The following SLC39A12 variants were observed in gnomAD, a reference collection of about 807,000 sequenced individuals.
The protein encoded by SLC39A12 is zinc transporter ZIP12.
Under a neutral mutation model 71.1 loss-of-function variants are expected in SLC39A12, and 63 were observed. The ratio of observed to expected loss-of-function variants is 0.89; its 90% confidence interval spans 0.72 to 1.09. The LOEUF (loss-of-function observed/expected upper bound fraction) is 1.09. Ranked by LOEUF, SLC39A12 falls within the 50% of genes least tolerant of loss-of-function variation. The pLI is 0.00. For missense variants in SLC39A12, 892 were observed against 812.6 expected (o/e 1.10, Z -1.19); for synonymous variants, 351 against 301.3 (o/e 1.16, Z -1.71).
intron 12 of SLC39A12, among the ~76,000 whole-genome samples, chr10:18,030,091 G>C (rs1375400608): frequency 6.6e-6 from 1 of 150,722 alleles, no homozygotes; most frequent in Non-Finnish European, 1.5e-5. Context: ...CAGAAAAGCA[G>C]GTTTAGCTGG....
chr10:17,952,774 A>G (rs1227176440), intron 1 of SLC39A12, among the ~76,000 whole-genome samples: 1 of 152,118 alleles, frequency 6.6e-6, no homozygotes, highest in African/African-American at 2.4e-5. Context: ...GGTGTGAGCT[A>G]CCGCGCCTGG....
intron 12 of SLC39A12, among the ~76,000 whole-genome samples, chr10:18,011,258 T>A (rs1217366878): frequency 6.6e-6 from 1 of 152,064 alleles, no homozygotes; most frequent in Non-Finnish European, 1.5e-5. Flanking sequence ...CCCGCTTATT[T>A]TTATGCTTTT....
chr10:17,997,283 C>T (rs1482946937), intron 10 of SLC39A12, among the ~76,000 whole-genome samples: 1 of 152,152 alleles, frequency 6.6e-6, no homozygotes, highest in Non-Finnish European at 1.5e-5. Flanking sequence ...GATAGAAATA[C>T]TACTAAGACC....
At position 17,987,635 on chromosome 10, in the gene SLC39A12, T is replaced by C; in HGVS notation, c.1253T>C (p.Leu418Pro). ...AVGTLSGDAL[L>P]HLIPQVLGLH... ...GGGACACTGTCTGGGGACGCTCTGC[T>C]CCACCTTATCCCTCAGGTAATCTGG... The change falls in exon 7 of 13, where the codon CTC becomes CCC. Residue 418 changes from leucine (L) to proline (P), a missense_variant. Leu to Pro is a moderately conservative substitution (Grantham distance 98, BLOSUM62 -3). Transcript: ENST00000377369. 1.2e-6 allele frequency: 2 copies of C among 1,614,200 alleles called. No homozygotes were observed. Among genetic ancestry groups the C allele is most frequent in the Non-Finnish European group, 1.7e-6 (2 of 1,180,032 alleles).
intron 12 of SLC39A12, among the ~76,000 whole-genome samples, chr10:18,014,214 G>A (rs1349291283): frequency 1.3e-5 from 2 of 151,978 alleles, no homozygotes; most frequent in African/African-American, 2.4e-5. Flanking sequence ...TCTTTTTGAT[G>A]ATATTGTAAA....
Position 17,999,750 on chromosome 10 carries a change from T to G in SLC39A12, c.1601-917T>G, listed in dbSNP as rs187877267. On this transcript the variant is annotated intron_variant, in intron 10 of 12. Coordinates refer to ENST00000377369, the MANE Select transcript of SLC39A12 (RefSeq NM_001145195.2). ...TTATCTTGCAGAAAGAAGAAAACTT[T>G]GAGAAATTATTCCAAAGCTAACTTT... 2.1e-3 allele frequency among the ~76,000 whole-genome samples: 316 copies of G among 152,312 alleles called. 2 individuals are homozygous for G. Among genetic ancestry groups the G allele is most frequent in the Non-Finnish European group, 3.3e-3 (227 of 68,026 alleles).
In SLC39A12 at chr10:18,035,699, G is replaced by A. The variant is rs529750511; in HGVS notation, c.1948-7006G>A. ...TGTTCCGTTGCTGGTGAGGAACTGC[G>A]TTCCGCTGGAGGAGGAGAGATGCTC... On this transcript the variant is annotated intron_variant, in intron 12 of 12. Transcript: ENST00000377369. Among the ~76,000 whole-genome samples, 191 of 152,360 alleles carry A rather than the reference G, an allele frequency of 1.3e-3. 4 individuals carry two copies. Among genetic ancestry groups the A allele is most frequent in the Middle Eastern group, 6.8e-3 (2 of 294 alleles).
At chr10:18,008,259 G>C (rs1006004527) in intron 12 of SLC39A12, among the ~76,000 whole-genome samples, 3 of 152,126 alleles carry the variant, frequency 2.0e-5, no homozygotes, top group Admixed American at 2.0e-4. Flanking sequence ...TCAGATCAGC[G>C]GGGGCATTAG....
At chr10:18,019,830 C>G (rs1245408381) in intron 12 of SLC39A12, among the ~76,000 whole-genome samples, 1 of 152,010 alleles carries the variant, frequency 6.6e-6, no homozygotes, top group Non-Finnish European at 1.5e-5. Flanking sequence ...AGAATGTGGT[C>G]TATCTTGTTG....
At chr10:18,038,062 C>T (rs1168503956) in intron 12 of SLC39A12, among the ~76,000 whole-genome samples, 1 of 106,624 alleles carries the variant, frequency 9.4e-6, no homozygotes, top group Non-Finnish European at 1.8e-5. Flanking sequence ...GCACAGCTAA[C>T]TGTATGGCAA....
intron 12 of SLC39A12, chr10:18,005,701 A>G (rs1277263226): frequency 2.0e-5 from 3 of 152,312 alleles, no homozygotes; most frequent in South Asian, 2.1e-4. Context: ...TTTCCTTTCA[A>G]TGTTCCTGCT....
chr10:17,987,308 C>A (rs1767165206), intron 6 of SLC39A12, among the ~76,000 whole-genome samples, 171 bp from the exon 7 acceptor site: 1 of 152,148 alleles, frequency 6.6e-6, no homozygotes. Flanking sequence ...ACATTCCAGG[C>A]TGGGTGACAG....
rs16916740 is a variant in SLC39A12, at chr10:18,000,788, G to A, written c.1722G>A (p.Thr574=). ...CATCCGAGTCAGGAGTGACCACTAC[G>A]ATTGCTATCTTGTGTCATGAAATCC... is the stretch of plus-strand genomic sequence containing the variant. ...SSSSESGVTT[T]IAILCHEIPH... Residue 574 remains threonine (T), a synonymous_variant, in exon 11 of 13, where the codon ACG becomes ACA. Transcript: ENST00000377369. The A allele has an allele frequency of 2.6e-3, 4,261 of 1,614,070 alleles. 81 individuals are homozygous for A. In the African/African-American group the frequency reaches 0.049, roughly 19 times the overall value.
chr10:18,019,082 G>A (rs1055683308), intron 12 of SLC39A12, among the ~76,000 whole-genome samples: 2 of 151,962 alleles, frequency 1.3e-5, no homozygotes, highest in Admixed American at 6.6e-5. Context: ...ATTAGATAAG[G>A]GCCTATTCAA....
rs190884044 is a variant in SLC39A12, at chr10:18,033,052, C to A, written c.1948-9653C>A. Among the ~76,000 whole-genome samples, 262 of 151,402 alleles carry A rather than the reference C, an allele frequency of 1.7e-3. 1 individual carries two copies. The highest frequency in any genetic ancestry group is 2.3e-3 in the Non-Finnish European group (157 of 67,938). ...GGATGTGCTGCCGGATTCGGTTTGC[C>A]AGTATTTTATTGAGGATTTTTGCAT... On this transcript the variant is annotated intron_variant, in intron 12 of 12. Transcript: ENST00000377369.
At chr10:18,005,002 C>G (rs1170946958) in intron 12 of SLC39A12, among the ~76,000 whole-genome samples, 1 of 141,742 alleles carries the variant, frequency 7.1e-6, no homozygotes, top group Non-Finnish European at 1.5e-5. Context: ...CATGTTCTCA[C>G]TTATAAGTGG....
At chr10:18,035,727 C>T (rs528001191) in intron 12 of SLC39A12, among the ~76,000 whole-genome samples, 7 of 152,350 alleles carry the variant, frequency 4.6e-5, no homozygotes, top group African/African-American at 1.2e-4. Flanking sequence ...AGATGCTCTG[C>T]GTTTTAGAGT....
At chr10:18,030,237 T>C (rs1589256864) in intron 12 of SLC39A12, among the ~76,000 whole-genome samples, 1 of 152,088 alleles carries the variant, frequency 6.6e-6, no homozygotes, top group East Asian at 1.9e-4. Context: ...TTTGCCCATA[T>C]CTATGAGCTT....
chr10:17,992,955 T>C (rs1036386767), intron 8 of SLC39A12, among the ~76,000 whole-genome samples: 12 of 151,480 alleles, frequency 7.9e-5, no homozygotes, highest in African/African-American at 2.9e-4. Flanking sequence ...TAAATATAAC[T>C]TTTTTTAGTA....
Sources: gnomAD v4.1 joint callset for allele counts (sites outside exome capture counted in the v4.1 genomes callset) on GRCh38, gnomAD v4.1.1 for gene constraint, MANE v1.5 for transcripts, NCBI Gene and HGNC (gene_info 2026-07-23, HGNC 2026-07-21) for gene names.